The following PDE10A variants were observed in gnomAD, a reference collection of about 807,000 sequenced individuals.
PDE10A encodes the protein phosphodiesterase 10A.
In PDE10A, 39 loss-of-function variants were observed where a neutral mutation model predicts 97.7. The observed-to-expected ratio is 0.40, with a 90% CI of 0.31 to 0.52. PDE10A has a LOEUF of 0.52. PDE10A is among the 20% of genes least tolerant of loss of function. The pLI, the probability that PDE10A is intolerant of heterozygous loss-of-function variation, is 0.56. For missense variants in PDE10A, 731 were observed against 1,047.8 expected, an observed-to-expected ratio of 0.70 and a Z score of 4.17; for synonymous variants, 371 against 376.8, an observed-to-expected ratio of 0.98 and a Z score of 0.18.
intron 1 of PDE10A, among the ~76,000 whole-genome samples, chr6:165,963,706 C>T (rs972930866): frequency 1.3e-5 from 2 of 152,228 alleles, no homozygotes; most frequent in African/African-American, 4.8e-5. Context: ...TGAGAAAAGC[C>T]TCAACTCCTT....
chr6:165,520,007 T>C (rs577938895), intron 2 of PDE10A, among the ~76,000 whole-genome samples: 1 of 152,314 alleles, frequency 6.6e-6, no homozygotes, highest in Admixed American at 6.5e-5. Flanking sequence ...TCAGTGGCCT[T>C]CACTTTGCTT....
intron 1 of PDE10A, among the ~76,000 whole-genome samples, chr6:165,546,703 T>C (rs954664140): frequency 6.6e-5 from 10 of 152,054 alleles, no homozygotes; most frequent in African/African-American, 2.4e-4. Flanking sequence ...TGGTAGATGG[T>C]GGGGACAAGA....
chr6:165,946,785 C>T (rs1783785814), intron 1 of PDE10A: 1 of 152,150 alleles, frequency 6.6e-6, no homozygotes, highest in Non-Finnish European at 1.5e-5. Context: ...AATTAAAATA[C>T]ATGTCTCTAC....
In PDE10A at chr6:165,388,255, A is replaced by G; in HGVS notation, c.2610+43T>C. ...CCTATGAAGTATCCCTATCTCCCAGACAGCCCTTCAGACTAAGCGAGAGAC... is the reference window on the plus strand; with the variant it reads ...CCTATGAAGTATCCCTATCTCCCAGGCAGCCCTTCAGACTAAGCGAGAGAC... On this transcript the variant is annotated intron_variant, in intron 17 of 21. Transcript: ENST00000539869. This position sits in a 1 kb window ranked among gnomAD's most constrained non-coding sequence, Gnocchi z 4.0. The G allele has an allele frequency of 1.9e-6, 3 of 1,594,966 alleles. No individual in the cohort carries two copies. Among genetic ancestry groups the G allele is most frequent in the Non-Finnish European group, 2.6e-6 (3 of 1,163,628 alleles).
intron 1 of PDE10A, among the ~76,000 whole-genome samples, chr6:165,752,316 A>G (rs1793024576): frequency 6.6e-6 from 1 of 152,066 alleles, no homozygotes; most frequent in South Asian, 2.1e-4. Flanking sequence ...TGGTGAAGCC[A>G]AGGACCCTCT....
chr6:165,880,831 G>C (rs192294655), intron 1 of PDE10A, among the ~76,000 whole-genome samples: 1 of 152,022 alleles, frequency 6.6e-6, no homozygotes, highest in Non-Finnish European at 1.5e-5. Context: ...AAACCTTCTG[G>C]GCTCAGGAAA....
intron 2 of PDE10A, among the ~76,000 whole-genome samples, chr6:165,489,311 G>T (rs2128286130): frequency 6.6e-6 from 1 of 152,292 alleles, no homozygotes; most frequent in East Asian, 1.9e-4. Flanking sequence ...TTGGAACCTG[G>T]TAGTTCTGCT....
intron 1 of PDE10A, among the ~76,000 whole-genome samples, chr6:165,591,830 G>A (rs187450777): frequency 1.3e-5 from 2 of 152,162 alleles, no homozygotes; most frequent in African/African-American, 4.8e-5. Context: ...CCATAAAGCT[G>A]ACCTATTCAT....
At chr6:165,336,809 A>C (rs937675344) in intron 20 of PDE10A, among the ~76,000 whole-genome samples, 1 of 151,850 alleles carries the variant, frequency 6.6e-6, no homozygotes, top group Non-Finnish European at 1.5e-5. Context: ...ACCCAAGTAC[A>C]TTAAATGACA....
In PDE10A at chr6:165,747,880, C is replaced by T. The variant is rs190061844; in HGVS notation, c.-614-204312G>A. Among the ~76,000 whole-genome samples the T allele has an allele frequency of 2.2e-4, 33 of 152,334 alleles. 1 individual carries two copies. The East Asian group carries it at 6.4e-3, about 29-fold the overall frequency. ...TTGCTTGTTTCTCTTCTGATCTCTC[C>T]ATCCCAATAAGAACAGAGCTCATGG... is the stretch of plus-strand genomic sequence containing the variant. On this transcript the variant is annotated intron_variant, in intron 1 of 19. Coordinates refer to the PDE10A transcript ENST00000366882.
At chr6:165,479,638 T>C (rs1779487770) in intron 3 of PDE10A, among the ~76,000 whole-genome samples, 1 of 152,302 alleles carries the variant, frequency 6.6e-6, no homozygotes, top group Non-Finnish European at 1.5e-5. Context: ...CAAACACACA[T>C]ATACACATCC....
intron 1 of PDE10A, chr6:165,660,702 G>C (rs910343938): frequency 1.3e-5 from 2 of 152,734 alleles, no homozygotes; most frequent in African/African-American, 4.8e-5. Flanking sequence ...GCAGTTGGGA[G>C]CGGGAAACCG....
chr6:165,728,024 A>G (rs1792341666), intron 1 of PDE10A, among the ~76,000 whole-genome samples: 1 of 152,238 alleles, frequency 6.6e-6, no homozygotes, highest in Admixed American at 6.5e-5. Context: ...GTAGAAAACT[A>G]GGAAAAAATC....
intron 1 of PDE10A, among the ~76,000 whole-genome samples, chr6:165,760,969 T>C (rs558617343): frequency 1.3e-5 from 2 of 152,298 alleles, no homozygotes; most frequent in South Asian, 2.1e-4. Flanking sequence ...CAGCCAAGTA[T>C]GAAGAGGCCT....
chr6:165,734,384 T>G (rs1792514218), intron 1 of PDE10A, among the ~76,000 whole-genome samples: 1 of 151,954 alleles, frequency 6.6e-6, no homozygotes, highest in Non-Finnish European at 1.5e-5. Context: ...AAGGGGAAGA[T>G]ACACAGGAGA....
chr6:165,858,580 A>T (rs1211310166), intron 1 of PDE10A, among the ~76,000 whole-genome samples: 1 of 152,218 alleles, frequency 6.6e-6, no homozygotes, highest in African/African-American at 2.4e-5. Context: ...GGTCCACAGC[A>T]GATAAGATCA....
intron 1 of PDE10A, among the ~76,000 whole-genome samples, chr6:165,629,399 T>C (rs1788527438): frequency 6.6e-6 from 1 of 152,202 alleles, no homozygotes; most frequent in Admixed American, 6.5e-5. Flanking sequence ...ATCATCATAC[T>C]GCATTTATAC....
chr6:165,761,068 C>T (rs62427271), intron 1 of PDE10A, among the ~76,000 whole-genome samples: 1 of 152,226 alleles, frequency 6.6e-6, no homozygotes, highest in African/African-American at 2.4e-5. Flanking sequence ...GGCCTGGCCT[C>T]TCCCGTTCCC....
chr6:165,796,847 G>T (rs901335389), intron 1 of PDE10A, among the ~76,000 whole-genome samples: 1 of 152,130 alleles, frequency 6.6e-6, no homozygotes, highest in Non-Finnish European at 1.5e-5. Context: ...TCAAGACATT[G>T]ACAATGGGAA....
Sources: gnomAD v4.1 joint callset for allele counts (sites outside exome capture counted in the v4.1 genomes callset) on GRCh38, gnomAD v4.1.1 for gene constraint, Gnocchi (gnomAD v3.1) non-coding constraint, MANE v1.5 for transcripts, NCBI Gene and HGNC (gene_info 2026-07-23, HGNC 2026-07-21) for gene names.